Variants in SYN3 observed in about 807,000 individuals in gnomAD.
The protein encoded by SYN3 is synapsin-3.
Under a neutral mutation model 65.8 loss-of-function variants are expected in SYN3, and 35 were observed. That is an observed-to-expected ratio of 0.53 (90% confidence interval 0.41 to 0.70). SYN3 has a LOEUF of 0.70. Among genes scored for constraint, SYN3 ranks in the 30% least tolerant of loss-of-function variants. The probability of loss-of-function intolerance (pLI) is 0.00; values close to 1 mark genes in which losing one functional copy is unlikely to be tolerated. For synonymous variants in SYN3, 270 were observed against 292.9 expected (o/e 0.92, Z 0.80); for missense variants, 680 against 749.0 (o/e 0.91, Z 1.08).
intron 7 of SYN3, among the ~76,000 whole-genome samples, chr22:32,544,844 G>A (rs1346087372): frequency 6.6e-6 from 1 of 152,180 alleles, no homozygotes; most frequent in East Asian, 1.9e-4. Context: ...AATTTCTTTG[G>A]CACCTTGGTT....
At chr22:32,725,615 A>C (rs899364174) in intron 6 of SYN3, among the ~76,000 whole-genome samples, 11 of 152,140 alleles carry the variant, frequency 7.2e-5, no homozygotes, top group Non-Finnish European at 4.4e-5. Flanking sequence ...GTGATGACTG[A>C]GGCGGAGGTC....
intron 6 of SYN3, among the ~76,000 whole-genome samples, chr22:32,732,645 T>G (rs897849486): frequency 3.9e-5 from 6 of 152,200 alleles, no homozygotes; most frequent in Non-Finnish European, 8.8e-5. Flanking sequence ...GGATTAACAG[T>G]GTCTACATAT....
At chr22:32,981,799 A>C (rs1245457843) in intron 2 of SYN3, among the ~76,000 whole-genome samples, 1 of 152,180 alleles carries the variant, frequency 6.6e-6, no homozygotes, top group Admixed American at 6.5e-5. Flanking sequence ...AAAAGAATTA[A>C]AGGATGTTTA....
chr22:32,716,217 T>TGGG (rs1257406567), intron 6 of SYN3, among the ~76,000 whole-genome samples: 1 of 152,114 alleles, frequency 6.6e-6, no homozygotes, highest in Non-Finnish European at 1.5e-5. Flanking sequence ...CCCACTTGAG[T>TGGG]ACCTCATCCC....
At chr22:32,824,367 TTG>T (rs1362396639) in intron 6 of SYN3, among the ~76,000 whole-genome samples, 2 of 151,970 alleles carry the variant, frequency 1.3e-5, no homozygotes, top group Admixed American at 6.6e-5. Flanking sequence ...TATTTTTTTT[TTG>T]TTGTCAAGTA....
At chr22:32,906,958 C>T (rs934353273) in intron 4 of SYN3, among the ~76,000 whole-genome samples, 2 of 152,144 alleles carry the variant, frequency 1.3e-5, no homozygotes, top group African/African-American at 4.8e-5. Flanking sequence ...AATAGTGCTG[C>T]AATAAACATA....
intron 12 of SYN3, among the ~76,000 whole-genome samples, chr22:32,525,534 C>T (rs544560311): frequency 2.0e-4 from 30 of 151,876 alleles, no homozygotes; most frequent in Non-Finnish European, 1.9e-4. Context: ...GGTGAAACCC[C>T]GTCTCTACTA....
At chr22:32,961,023 G>A (rs1268190570) in intron 3 of SYN3, among the ~76,000 whole-genome samples, 1 of 152,200 alleles carries the variant, frequency 6.6e-6, no homozygotes, top group East Asian at 1.9e-4. Flanking sequence ...ACAAAGGTGT[G>A]TTTTTGAGTT....
intron 6 of SYN3, among the ~76,000 whole-genome samples, chr22:32,767,090 A>G (rs555749993): frequency 8.3e-4 from 127 of 152,140 alleles, no homozygotes; most frequent in Non-Finnish European, 1.4e-3. Flanking sequence ...TTCTCCAATC[A>G]TCGGAATTGA....
At chr22:32,795,983 G>C (rs528785986) in intron 6 of SYN3, among the ~76,000 whole-genome samples, 1 of 152,108 alleles carries the variant, frequency 6.6e-6, no homozygotes, top group South Asian at 2.1e-4. Flanking sequence ...CCCTCCCAAG[G>C]CATGACAGCA....
intron 6 of SYN3, among the ~76,000 whole-genome samples, chr22:32,775,752 C>T (rs1335212981): frequency 6.6e-6 from 1 of 152,122 alleles, no homozygotes; most frequent in East Asian, 1.9e-4. Flanking sequence ...CCTCAGTTTC[C>T]CTTTATGTAA....
At chr22:32,867,950 TGA>T (rs2048732599) in intron 5 of SYN3, among the ~76,000 whole-genome samples, 1 of 152,208 alleles carries the variant, frequency 6.6e-6, no homozygotes, top group African/African-American at 2.4e-5. Context: ...ATCAAATGAA[TGA>T]CTGAAACTAA....
At chr22:32,927,510 A>C (rs903301192) in intron 4 of SYN3, among the ~76,000 whole-genome samples, 1 of 151,952 alleles carries the variant, frequency 6.6e-6, no homozygotes, top group Non-Finnish European at 1.5e-5. Context: ...TGGCCTCCCA[A>C]AGTGCTGGGA....
intron 6 of SYN3, among the ~76,000 whole-genome samples, chr22:32,630,692 T>C (rs2059735843): frequency 6.6e-6 from 1 of 152,238 alleles, no homozygotes; most frequent in Non-Finnish European, 1.5e-5. Flanking sequence ...CAACACTTAA[T>C]CAAGACATAG....
In SYN3 at chr22:32,801,998, G is replaced by A; in HGVS notation, c.711+62917C>T. On this transcript the variant is annotated intron_variant, in intron 6 of 13. Coordinates refer to ENST00000358763, the MANE Select transcript of SYN3 (RefSeq NM_003490.4). The surrounding 1 kb of genome is among the most constrained non-coding windows in gnomAD (Gnocchi z 4.7). ...CAGCCCCGGCAGCGGCGGCAGCAGC[G>A]GCAATGACCCCTTGGCTCGGGCTCA... 1 of 1,584,722 alleles carries A rather than the reference G, an allele frequency of 6.3e-7. No individual in the cohort carries two copies. The highest frequency in any genetic ancestry group is 8.5e-7 in the Non-Finnish European group (1 of 1,171,734).
At chr22:32,547,528 G>A (rs1359812118) in intron 7 of SYN3, among the ~76,000 whole-genome samples, 1 of 151,402 alleles carries the variant, frequency 6.6e-6, no homozygotes, top group Admixed American at 6.6e-5. Context: ...CCCCATTCAG[G>A]TTCTCACACT....
At chr22:32,781,540 C>A (rs898065518) in intron 6 of SYN3, among the ~76,000 whole-genome samples, 1 of 152,088 alleles carries the variant, frequency 6.6e-6, no homozygotes, top group South Asian at 2.1e-4. Flanking sequence ...GGGCTGGGCT[C>A]AGGCTTAAAG....
chr22:32,599,770 A>G (rs533036632), intron 6 of SYN3, among the ~76,000 whole-genome samples: 26 of 152,264 alleles, frequency 1.7e-4, no homozygotes, highest in Admixed American at 8.5e-4. Context: ...TTGCGTGGGC[A>G]CGACTGAATG....
chr22:32,765,484 C>T (rs2045598394), intron 6 of SYN3, among the ~76,000 whole-genome samples: 1 of 152,070 alleles, frequency 6.6e-6, no homozygotes, highest in South Asian at 2.1e-4. Context: ...CCTGATAGGA[C>T]AAGGTTTAAT....
Sources: allele counts gnomAD v4.1 joint callset (sites outside exome capture counted in the v4.1 genomes callset), GRCh38; gene constraint gnomAD v4.1.1; non-coding constraint Gnocchi (gnomAD v3.1); transcripts MANE v1.5; gene names NCBI Gene and HGNC (gene_info 2026-07-23, HGNC 2026-07-21).